The following STUB1 variants were observed in gnomAD, a reference collection of about 807,000 sequenced individuals.
STUB1 encodes E3 ubiquitin-protein ligase CHIP.
Under a neutral mutation model 40.3 loss-of-function variants are expected in STUB1, and 37 were observed. That is an observed-to-expected ratio of 0.92 (90% CI 0.71 to 1.21). The LOEUF is 1.21. STUB1 is among the 50% of genes most tolerant of loss of function. The pLI is 0.00. For missense variants in STUB1, 460 were observed against 421.9 expected, an observed-to-expected ratio of 1.09 and a Z score of -0.79; for synonymous variants, 246 against 171.9, an observed-to-expected ratio of 1.43 and a Z score of -3.37.
rs2151505158 is a variant in STUB1, at chr16:681,792, G to A, written c.525-1G>A. 1 of 1,594,350 alleles carries A rather than the reference G, an allele frequency of 6.3e-7. No individual in the cohort carries two copies. Among genetic ancestry groups the A allele is most frequent in the Non-Finnish European group, 8.6e-7 (1 of 1,166,764 alleles). Reference sequence around the variant, plus strand: ...CTGACCGGCTCCTGGTCAACCCCCAGGGAGCTGGAAGAGTGCCAGCGAAAC... The same window carrying A: ...CTGACCGGCTCCTGGTCAACCCCCAAGGAGCTGGAAGAGTGCCAGCGAAAC... On this transcript the variant is annotated splice_acceptor_variant, in intron 3 of 6. Transcript: ENST00000219548. LOFTEE classifies it high-confidence loss of function.
chr16:681,530 G>C lies in STUB1; in HGVS notation c.451G>C (p.Glu151Gln). 1.2e-6 allele frequency: 2 copies of C among 1,612,270 alleles called. No individual in the cohort carries two copies. Among genetic ancestry groups the C allele is most frequent in the Non-Finnish European group, 1.7e-6 (2 of 1,179,906 alleles). ...IAKKKRWNSI[E>Q]ERRIHQESEL... Reference sequence around the variant, plus strand: ...GAAGAAGAAGCGCTGGAACAGCATTGAGGAGCGGCGCATCCACCAGGAGAG... The same window carrying C: ...GAAGAAGAAGCGCTGGAACAGCATTCAGGAGCGGCGCATCCACCAGGAGAG... Residue 151 changes from glutamate (E) to glutamine (Q), a missense_variant, in exon 3 of 7, where the codon GAG becomes CAG. By Grantham distance (29) the Glu-to-Gln change is conservative. Transcript: ENST00000219548.
Position 681,616 on chromosome 16 carries a change from C to A in STUB1, c.524+13C>A. Reference sequence around the variant, plus strand: ...CGGAGCGTGAGAGGTGGGACCCTCACCCCAGGCCGCCCTGTCTTGGGATAA... The same window carrying A: ...CGGAGCGTGAGAGGTGGGACCCTCAACCCAGGCCGCCCTGTCTTGGGATAA... On this transcript the variant is annotated intron_variant, in intron 3 of 6. Transcript: ENST00000219548. 6.3e-7 allele frequency: 1 copy of A among 1,597,880 alleles called. No homozygotes were observed. Among genetic ancestry groups the A allele is most frequent in the Non-Finnish European group, 8.5e-7 (1 of 1,170,324 alleles).
intron 2 of STUB1, 26 bp from the exon 3 acceptor site, chr16:681,412 A>T (rs781715668): frequency 3.1e-6 from 5 of 1,609,930 alleles, no homozygotes; most frequent in Admixed American, 3.3e-5. Flanking sequence ...CTGGCCAGAG[A>T]GTGACGTGAA....
chr16:681,705 G>A (rs573287982), intron 3 of STUB1, 88 bp from the exon 4 acceptor site: 19 of 1,552,258 alleles, frequency 1.2e-5, no homozygotes, highest in Non-Finnish European at 1.5e-5. Context: ...CAGGAAATGT[G>A]GGGAAGTGTG....
rs1344217806 is a variant in STUB1, at chr16:682,013, T to C, written c.613-7T>C. 1.2e-6 allele frequency: 2 copies of C among 1,606,778 alleles called. No individual in the cohort carries two copies. Among genetic ancestry groups the C allele is most frequent in the African/African-American group, 2.7e-5 (2 of 74,842 alleles). ...CTCCCCCAAGCACAGCACTCAACTC[T>C]TCACAGGACAAGTACATGGCGGACA... is the stretch of plus-strand genomic sequence containing the variant. On this transcript the variant is annotated splice_polypyrimidine_tract_variant and splice_region_variant and intron_variant, in intron 4 of 6. Coordinates refer to ENST00000219548, the MANE Select transcript of STUB1 (RefSeq NM_005861.4).
At position 682,095 on chromosome 16, in the gene STUB1, C is replaced by T; in HGVS notation, c.669+19C>T. 1 of 1,581,044 alleles carries T rather than the reference C, an allele frequency of 6.3e-7. No individual in the cohort carries two copies. On this transcript the variant is annotated intron_variant, in intron 5 of 6. Transcript: ENST00000219548. ...GAGGAAGGTGAGTGTGTGTCGCTTG[C>T]TGCCGATGGCTGGCAGGTGCTCGTG... is the stretch of plus-strand genomic sequence containing the variant.
rs780472903 is a variant in STUB1 at position 681,491 on chromosome 16, G to A, written c.412G>A (p.Ala138Thr). The change falls in exon 3 of 7, where the codon GCT becomes ACT. Residue 138 changes from alanine (A) to threonine (T), a missense_variant. Transcript: ENST00000219548. ...GAACTTCGGGGACGACATCCCCAGCGCTCTTCGAATCGCGAAGAAGAAGCG... is the reference window on the plus strand; with the variant it reads ...GAACTTCGGGGACGACATCCCCAGCACTCTTCGAATCGCGAAGAAGAAGCG... ...RLNFGDDIPS[A>T]LRIAKKKRWN... 2.5e-6 allele frequency: 4 copies of A among 1,612,666 alleles called. No homozygotes were observed. The highest frequency in any genetic ancestry group is 2.7e-5 in the African/African-American group (2 of 75,074).
At position 681,899 on chromosome 16, in the gene STUB1, C is replaced by A; in HGVS notation, c.612+19C>A. 5 of 1,613,024 alleles carry A rather than the reference C, an allele frequency of 3.1e-6. No individual in the cohort carries two copies. The highest frequency in any genetic ancestry group is 4.2e-6 in the Non-Finnish European group (5 of 1,179,902). On this transcript the variant is annotated intron_variant, in intron 4 of 6. Transcript: ENST00000219548. ...CAAGCACGTGAGGGTGCCCCCCACC[C>A]ACATGTGGGTCTGTGTGTGTGCACG... is the stretch of plus-strand genomic sequence containing the variant.
chr16:682,782 CAGCTGTTTTGGCT>C lies in STUB1; in HGVS notation c.*297_*309del. ...GCTGGTGTGTGACCGGCAGTCCTGC[CAGCTGTTTTGGCT>C]AGCCGAGGAAGGTGGAGATGAAGAC... On this transcript the variant is annotated 3_prime_UTR_variant, in exon 7 of 7. Coordinates refer to ENST00000219548, the MANE Select transcript of STUB1 (RefSeq NM_005861.4). 11 of 1,612,820 alleles carry C rather than the reference CAGCTGTTTTGGCT, an allele frequency of 6.8e-6. No homozygotes were observed. The highest frequency in any genetic ancestry group is 9.3e-6 in the Non-Finnish European group (11 of 1,179,712).
In STUB1 at chr16:682,738, T is replaced by C. The variant is rs1470855670; in HGVS notation, c.*249T>C. On this transcript the variant is annotated 3_prime_UTR_variant, in exon 7 of 7. Transcript: ENST00000219548. The stretch of plus-strand genomic sequence containing the variant: ...GCCACTATCTGTGTAATAAAATCCG[T>C]GAGCACGAGGTGGGACGTGCTGGTG... 2 of 1,580,278 alleles carry C rather than the reference T, an allele frequency of 1.3e-6. No homozygotes were observed. Among genetic ancestry groups the C allele is most frequent in the African/African-American group, 1.3e-5 (1 of 74,374 alleles).
Position 681,593 on chromosome 16 carries a change from G to A in STUB1, c.514G>A (p.Glu172Lys), listed in dbSNP as rs1264499143. Residue 172 changes from glutamate to lysine, a missense_variant, in exon 3 of 7, where the codon GAG becomes AAG. Transcript: ENST00000219548. Reference sequence around the variant, plus strand: ...CTACCTCTCCAGGCTCATTGCCGCGGAGCGTGAGAGGTGGGACCCTCACCC... The same window carrying A: ...CTACCTCTCCAGGCTCATTGCCGCGAAGCGTGAGAGGTGGGACCCTCACCC... The part of the protein sequence containing the change: ...HSYLSRLIAA[E>K]RERELEECQR... The A allele has an allele frequency of 6.2e-7, 1 of 1,608,126 alleles. No individual in the cohort carries two copies. The highest frequency in any genetic ancestry group is 1.1e-5 in the South Asian group (1 of 90,806).
Position 681,852 on chromosome 16 carries a change from C to G in STUB1, c.584C>G (p.Ala195Gly). 6.2e-7 allele frequency: 1 copy of G among 1,612,014 alleles called. No individual in the cohort carries two copies. Among genetic ancestry groups the G allele is most frequent in the Middle Eastern group, 1.7e-4 (1 of 6,056 alleles). Residue 195 changes from alanine (A) to glycine (G), a missense_variant, in exon 4 of 7, where the codon GCC (alanine) becomes GGC (glycine). Transcript: ENST00000219548. ...GATGAGGACGACAGCCACGTCCGGGCCCAGCAGGCCTGCATTGAGGCCAAG... is the reference window on the plus strand; with the variant it reads ...GATGAGGACGACAGCCACGTCCGGGGCCAGCAGGCCTGCATTGAGGCCAAG... ...EGDEDDSHVR[A>G]QQACIEAKHD...
In STUB1 at chr16:681,953, G is replaced by A. The variant is rs115253201; in HGVS notation, c.613-67G>A. 1,687 of 1,612,714 alleles carry A rather than the reference G, an allele frequency of 1.0e-3. 17 individuals are homozygous for A. In the African/African-American group the frequency reaches 0.02, roughly 19 times the overall value. ...CGTGGGAGCATCCCCGCCTTGTGTT[G>A]GGTCTGTGCCCCATGGAGGAGGGAG... On this transcript the variant is annotated intron_variant, in intron 4 of 6. Coordinates refer to ENST00000219548, the MANE Select transcript of STUB1 (RefSeq NM_005861.4).
chr16:680,544 A>G lies in STUB1; in HGVS notation c.19A>G (p.Lys7Glu). Reference protein sequence around the residue: MKGKEEKEGGARLGAGG... With the variant: MKGKEEEEGGARLGAGG... The stretch of plus-strand genomic sequence containing the variant: ...CGGCGCCATGAAGGGCAAGGAGGAG[A>G]AGGAGGGCGGCGCACGGCTGGGCGC... The change falls in exon 1 of 7, where the codon AAG (lysine) becomes GAG (glutamate). Residue 7 changes from lysine (K) to glutamate (E), a missense_variant. Physicochemically the swap from Lys to Glu is moderately conservative, Grantham distance 56 (BLOSUM62 1). Coordinates refer to ENST00000219548, the MANE Select transcript of STUB1 (RefSeq NM_005861.4). This position sits in a 1 kb window ranked among gnomAD's most constrained non-coding sequence, Gnocchi z 4.9. 3.7e-6 allele frequency: 5 copies of G among 1,335,986 alleles called. No homozygotes were observed. In the East Asian group the frequency reaches 1.3e-4, roughly 34 times the overall value. 82.8% of individuals were successfully genotyped at this position (1,335,986 alleles called of 1,614,324 possible). A position where few individuals can be genotyped will look rare whatever the true frequency, so the allele number is the denominator to read the frequency against.
At position 682,433 on chromosome 16, in the gene STUB1, A is replaced by G; in HGVS notation, c.856A>G (p.Met286Val). The G allele has an allele frequency of 6.2e-7, 1 of 1,613,416 alleles. No individual in the cohort carries two copies. The highest frequency in any genetic ancestry group is 8.5e-7 in the Non-Finnish European group (1 of 1,179,992). ...GGAACAGCTCATCCCCAACTTGGCT[A>G]TGAAGGAGGTTATTGACGCATTCAT... The part of the protein sequence containing the change: ...TQEQLIPNLA[M>V]KEVIDAFISE... Residue 286 changes from methionine to valine, a missense_variant, in exon 7 of 7, where the codon ATG (methionine) becomes GTG (valine). Met to Val is a conservative substitution (Grantham distance 21). Transcript: ENST00000219548.
In STUB1 at chr16:680,423, G is replaced by C. The variant is rs1341910203; in HGVS notation, c.-103G>C. On this transcript the variant is annotated 5_prime_UTR_variant, in exon 1 of 7. Transcript: ENST00000219548. The surrounding 1 kb of genome is among the most constrained non-coding windows in gnomAD (Gnocchi z 4.9). ...AGTTCCGGCGGCGGAGCTGGGCCGGGCCCGAGCGGATCGCGGGCTCGGGCT... is the reference window on the plus strand; with the variant it reads ...AGTTCCGGCGGCGGAGCTGGGCCGGCCCCGAGCGGATCGCGGGCTCGGGCT... 8 of 1,062,280 alleles carry C rather than the reference G, an allele frequency of 7.5e-6. No homozygotes were observed. In the East Asian group the frequency reaches 3.9e-4, roughly 51 times the overall value. 65.8% of individuals were successfully genotyped at this position (1,062,280 alleles called of 1,614,324 possible).
In STUB1 at chr16:680,462, T is replaced by A; in HGVS notation, c.-64T>A. Reference sequence around the variant, plus strand: ...CGGGCTCGGGCTGCGGGGCTCCGGCTGCGGGCGCTGGGCCGCGAGGCGCGG... The same window carrying A: ...CGGGCTCGGGCTGCGGGGCTCCGGCAGCGGGCGCTGGGCCGCGAGGCGCGG... On this transcript the variant is annotated 5_prime_UTR_variant, in exon 1 of 7. Transcript: ENST00000219548. This position sits in a 1 kb window ranked among gnomAD's most constrained non-coding sequence, Gnocchi z 4.9. 8.6e-7 allele frequency: 1 copy of A among 1,167,576 alleles called. No homozygotes were observed. The highest frequency in any genetic ancestry group is 1.1e-6 in the Non-Finnish European group (1 of 945,698). 72.3% of individuals were successfully genotyped at this position (1,167,576 alleles called of 1,614,324 possible).
At position 681,216 on chromosome 16, in the gene STUB1, A is replaced by G. The variant is rs1435279378; in HGVS notation, c.224A>G (p.Gln75Arg). 1.2e-6 allele frequency: 2 copies of G among 1,609,886 alleles called. No homozygotes were observed. Among genetic ancestry groups the G allele is most frequent in the Admixed American group, 1.7e-5 (1 of 59,634 alleles). Residue 75 changes from glutamine to arginine, a missense_variant, in exon 2 of 7, where the codon CAG (glutamine) becomes CGG (arginine). Coordinates refer to ENST00000219548, the MANE Select transcript of STUB1 (RefSeq NM_005861.4). ...GCCTTGTGCTACCTGAAGATGCAGCAGCACGAGCAGGCCCTGGCCGACTGC... is the reference window on the plus strand; with the variant it reads ...GCCTTGTGCTACCTGAAGATGCAGCGGCACGAGCAGGCCCTGGCCGACTGC... ...NRALCYLKMQ[Q>R]HEQALADCRR...
intron 2 of STUB1, 27 bp from the exon 3 acceptor site, chr16:681,411 G>C: frequency 6.2e-7 from 1 of 1,610,248 alleles, no homozygotes; most frequent in Non-Finnish European, 8.5e-7. Flanking sequence ...ACTGGCCAGA[G>C]AGTGACGTGA....
Sources: allele counts gnomAD v4.1 joint callset, GRCh38; gene constraint gnomAD v4.1.1; non-coding constraint Gnocchi (gnomAD v3.1); transcripts MANE v1.5; gene names NCBI Gene and HGNC (gene_info 2026-07-23, HGNC 2026-07-21).